The following EFCAB10 variants were observed in gnomAD, a reference collection of about 807,000 sequenced individuals.
EFCAB10 encodes the protein EF-hand calcium-binding domain-containing protein 10.
In EFCAB10, 7 loss-of-function variants were observed where a neutral mutation model predicts 7.7. The observed-to-expected ratio is 0.91, with a 90% confidence interval of 0.52 to 1.72. The LOEUF is 1.72. Among genes scored for constraint, EFCAB10 ranks in the 40% most tolerant of loss-of-function variants. EFCAB10 has a pLI of 0.00. For synonymous variants in EFCAB10, 52 were observed against 21.0 expected (o/e 2.47, Z -4.03); for missense variants, 112 against 61.5 (o/e 1.82, Z -2.74).
intron 1 of EFCAB10, 55 bp from the exon 2 acceptor site, chr7:105,569,626 T>C: frequency 1.5e-6 from 1 of 670,012 alleles, no homozygotes; most frequent in East Asian, 2.7e-5. Context: ...ATGTCGCAAA[T>C]AGAAGTAGTC....
At chr7:105,581,147 CG>C (rs1160105142) in intron 1 of EFCAB10, among the ~76,000 whole-genome samples, 4 of 152,106 alleles carry the variant, frequency 2.6e-5, no homozygotes, top group African/African-American at 9.7e-5. Flanking sequence ...CCCTGAGAAT[CG>C]CCACCAGGAG....
Position 105,565,305 on chromosome 7 carries a change from C to T in EFCAB10, c.*142G>A, listed in dbSNP as rs2133475458. 1 of 1,612,238 alleles carries T rather than the reference C, an allele frequency of 6.2e-7. No homozygotes were observed. The highest frequency in any genetic ancestry group is 8.5e-7 in the Non-Finnish European group (1 of 1,178,486). On this transcript the variant is annotated 3_prime_UTR_variant, in exon 5 of 5. Transcript: ENST00000480514. ...GTTGTCCTTGCCATCTCAGTCAGAG[C>T]AGGCAGTGATGTCCCTGTCCAGTTC...
chr7:105,577,991 T>C (rs113807942), intron 1 of EFCAB10, among the ~76,000 whole-genome samples: 3,027 of 152,328 alleles, frequency 0.02, 101 homozygotes, highest in African/African-American at 0.069. Flanking sequence ...CTCGAACTCC[T>C]GACCTCAAGT....
rs534385156 is a variant in EFCAB10 at position 105,568,865 on chromosome 7, G to A, written c.359+338C>T. ...ACTGGGAAGCTGAGGCAGGAGAATC[G>A]CTTGAACCCGGGAGGTGGAGGTTGC... On this transcript the variant is annotated intron_variant, in intron 3 of 4. Coordinates refer to ENST00000480514, the MANE Select transcript of EFCAB10 (RefSeq NM_001355526.2). Among the ~76,000 whole-genome samples, 348 of 151,396 alleles carry A rather than the reference G, an allele frequency of 2.3e-3. 1 individual carries two copies. Among genetic ancestry groups the A allele is most frequent in the Middle Eastern group, 0.014 (4 of 294 alleles).
Position 105,570,123 on chromosome 7 carries a change from A to G in EFCAB10, c.107-552T>C, listed in dbSNP as rs1791897593. 2.1e-5 allele frequency among the ~76,000 whole-genome samples: 3 copies of G among 145,258 alleles called. No individual in the cohort carries two copies. The Admixed American group carries it at 2.1e-4, about 10-fold the overall frequency. ...CAGCTACTCGGGAGGCTGAGGCAGG[A>G]GAATCGCTTGAACCCGGGAGGCAGA... On this transcript the variant is annotated intron_variant, in intron 1 of 4. Coordinates refer to ENST00000480514, the MANE Select transcript of EFCAB10 (RefSeq NM_001355526.2).
intron 1 of EFCAB10, chr7:105,573,665 A>G (rs1177320915): frequency 1.3e-5 from 2 of 152,190 alleles, no homozygotes; most frequent in Non-Finnish European, 2.9e-5. Context: ...CAAGGGATAC[A>G]ATGTTCAGGT....
intron 4 of EFCAB10, chr7:105,565,694 C>T (rs375089303): frequency 1.0e-4 from 130 of 1,292,430 alleles, no homozygotes; most frequent in Non-Finnish European, 1.2e-4. Flanking sequence ...CAAATTGTTA[C>T]AGGAGGCTAA....
At chr7:105,579,914 A>T (rs916358151) in intron 1 of EFCAB10, among the ~76,000 whole-genome samples, 1 of 152,244 alleles carries the variant, frequency 6.6e-6, no homozygotes, top group Admixed American at 6.5e-5. Flanking sequence ...ATTTAAAAAT[A>T]AATGTTGACA....
At chr7:105,574,640 A>G (rs1229185129) in intron 1 of EFCAB10, among the ~76,000 whole-genome samples, 1 of 151,712 alleles carries the variant, frequency 6.6e-6, no homozygotes, top group South Asian at 2.1e-4. Context: ...GCCCGCCACC[A>G]TGCCCGGCTA....
At position 105,575,739 on chromosome 7, in the gene EFCAB10, A is replaced by G. The variant is rs1792061835; in HGVS notation, c.106+5619T>C. On this transcript the variant is annotated intron_variant, in intron 1 of 4. Transcript: ENST00000480514. Reference sequence around the variant, plus strand: ...AGGTTTTCAAATTGGGACACATATCATAATACCTGGGGCTTCAGCTGGGTG... The same window carrying G: ...AGGTTTTCAAATTGGGACACATATCGTAATACCTGGGGCTTCAGCTGGGTG... Among the ~76,000 whole-genome samples, 3 of 152,288 alleles carry G rather than the reference A, an allele frequency of 2.0e-5. No homozygotes were observed. The South Asian group carries it at 6.2e-4, about 32-fold the overall frequency.
At chr7:105,570,240 A>AAATATAT (rs35907051) in intron 1 of EFCAB10, among the ~76,000 whole-genome samples, 6 of 24,908 alleles carry the variant, frequency 2.4e-4, no homozygotes, top group Non-Finnish European at 4.7e-4. Flanking sequence ...AAAAAAAAAA[A>AAATATAT]ATATATATAT....
intron 4 of EFCAB10, chr7:105,566,313 T>G (rs969254927): frequency 2.6e-5 from 4 of 152,146 alleles, no homozygotes; most frequent in Non-Finnish European, 5.9e-5. Context: ...CCTTAAACAT[T>G]TGACATTAAT....
chr7:105,567,372 T>A, intron 4 of EFCAB10, 95 bp downstream of exon 4: 1 of 1,148,384 alleles, frequency 8.7e-7, no homozygotes, highest in Non-Finnish European at 1.3e-6. Context: ...CCAATTGGAT[T>A]TCAAGTTATA....
chr7:105,579,384 A>G (rs947756041), intron 1 of EFCAB10, among the ~76,000 whole-genome samples: 10 of 152,146 alleles, frequency 6.6e-5, no homozygotes, highest in African/African-American at 2.4e-4. Flanking sequence ...GGTGGGGGTA[A>G]TTACCCAATG....
At chr7:105,580,132 C>T (rs1792187157) in intron 1 of EFCAB10, among the ~76,000 whole-genome samples, 1 of 152,050 alleles carries the variant, frequency 6.6e-6, no homozygotes, top group South Asian at 2.1e-4. Flanking sequence ...ATTATAGGCA[C>T]GCACCACCAC....
intron 1 of EFCAB10, among the ~76,000 whole-genome samples, chr7:105,575,129 A>T (rs1164625972): frequency 3.3e-5 from 5 of 151,192 alleles, no homozygotes; most frequent in African/African-American, 1.2e-4. Flanking sequence ...AAAAAAAAAA[A>T]AAAGTGGCCA....
chr7:105,573,335 A>C (rs1791995220), intron 1 of EFCAB10: 1 of 152,232 alleles, frequency 6.6e-6, no homozygotes, highest in Admixed American at 6.5e-5. Flanking sequence ...AGAAACTGGA[A>C]AAAGGCCAAG....
chr7:105,569,537 T>C lies in EFCAB10; in HGVS notation c.141A>G (p.Glu47=), dbSNP rs1480496397. The part of the protein sequence containing the change: ...KPKEYLISLL[E]RLRIAKVTGV... ...CTGTTACTTTTGCAATTCTCAGTCG[T>C]TCCAATAGAGATATTAAATATTCTT... The change falls in exon 2 of 5, where the codon GAA becomes GAG. Residue 47 remains glutamate (E), a synonymous_variant. Coordinates refer to ENST00000480514, the MANE Select transcript of EFCAB10 (RefSeq NM_001355526.2). 1.0e-5 allele frequency: 7 copies of C among 701,650 alleles called. No individual in the cohort carries two copies. In the South Asian group the frequency reaches 1.0e-4, roughly 10 times the overall value. The allele number at this position is 701,650 out of a possible 1,614,324, so 43.5% of individuals were successfully genotyped here.
intron 3 of EFCAB10, 100 bp downstream of exon 3, chr7:105,569,103 A>G (rs999869164): frequency 1.5e-6 from 1 of 665,168 alleles, no homozygotes; most frequent in Non-Finnish European, 2.7e-6. Flanking sequence ...AGGGAACAAA[A>G]TATTTCTTTC....
Sources: allele counts gnomAD v4.1 joint callset (sites outside exome capture counted in the v4.1 genomes callset), GRCh38; gene constraint gnomAD v4.1.1; transcripts MANE v1.5; gene names NCBI Gene and HGNC (gene_info 2026-07-23, HGNC 2026-07-21).